ICE1: variants seen among roughly 807,000 people sequenced by gnomAD.
ICE1 encodes interactor of little elongation complex ELL subunit 1.
A neutral mutation model predicts 192.7 loss-of-function variants in ICE1; 64 were observed. The observed-to-expected ratio is 0.33, with a 90% CI of 0.27 to 0.41. The LOEUF (loss-of-function observed/expected upper bound fraction) is 0.41. Ranked by LOEUF, ICE1 falls within the 10% of genes least tolerant of loss-of-function variation. ICE1 has a pLI of 1.00. For missense variants in ICE1, 2,708 were observed against 2,696.0 expected (o/e 1.00, Z -0.10); for synonymous variants, 1,010 against 984.5 (o/e 1.03, Z -0.49).
At chr5:5,481,106 C>T (rs1739491884) in intron 17 of ICE1, among the ~76,000 whole-genome samples, 1 of 152,040 alleles carries the variant, frequency 6.6e-6, no homozygotes, top group Admixed American at 6.5e-5. Context: ...GTAGCAGCTT[C>T]TCTTATGAAT....
intron 15 of ICE1, among the ~76,000 whole-genome samples, chr5:5,469,898 C>T (rs1739105803): frequency 6.6e-6 from 1 of 152,126 alleles, no homozygotes; most frequent in African/African-American, 2.4e-5. Flanking sequence ...TCAGGAGAGA[C>T]ATCCTGACTC....
intron 10 of ICE1, among the ~76,000 whole-genome samples, chr5:5,450,711 G>A (rs577809156): frequency 3.3e-4 from 51 of 152,302 alleles, no homozygotes; most frequent in Admixed American, 1.9e-3. Context: ...TGACATTAAA[G>A]CAGTCATGTA....
chr5:5,455,654 G>A (rs1738562003), intron 11 of ICE1, among the ~76,000 whole-genome samples: 2 of 152,062 alleles, frequency 1.3e-5, no homozygotes, highest in Non-Finnish European at 2.9e-5. Context: ...GGGAAAACAT[G>A]GTATCTTTGG....
chr5:5,483,795 G>A (rs1281984885), intron 17 of ICE1, among the ~76,000 whole-genome samples: 1 of 152,144 alleles, frequency 6.6e-6, no homozygotes, highest in Non-Finnish European at 1.5e-5. Context: ...TCACATGTCA[G>A]GTTTCTGCAG....
At chr5:5,444,135 A>T (rs191775703) in intron 6 of ICE1, among the ~76,000 whole-genome samples, 154 bp from the exon 7 acceptor site, 2 of 152,360 alleles carry the variant, frequency 1.3e-5, no homozygotes. Context: ...ATTTCATACT[A>T]AATAGTATAT....
chr5:5,448,421 G>A (rs1738310330), intron 10 of ICE1, among the ~76,000 whole-genome samples: 1 of 152,340 alleles, frequency 6.6e-6, no homozygotes. Flanking sequence ...GCGTTACTGA[G>A]CGCCACGTCT....
intron 12 of ICE1, among the ~76,000 whole-genome samples, chr5:5,458,977 A>T (rs1011198396): frequency 9.2e-5 from 14 of 151,986 alleles, no homozygotes; most frequent in African/African-American, 3.4e-4. Flanking sequence ...GGTTCACGCC[A>T]TTCTCCTGCT....
rs1738984888 is a variant in ICE1 at position 5,466,382 on chromosome 5, C to G, written c.5941C>G (p.Gln1981Glu). The change falls in exon 14 of 19, where the codon CAG becomes GAG. Residue 1981 changes from glutamine (Q) to glutamate (E), a missense_variant. Around this residue, in one of 2 missense-constraint regions of ICE1, gnomAD observed 342 missense variants for 419.3 expected, o/e 0.82. Transcript: ENST00000296564. Reference protein sequence around the residue: ...LHSILSELKIQKISMDHNYIH... With the variant: ...LHSILSELKIEKISMDHNYIH... ...CTCTATTCTCTCAGAACTAAAAATTCAGAAGATATCTATGGACCACAATTA... is the reference window on the plus strand; with the variant it reads ...CTCTATTCTCTCAGAACTAAAAATTGAGAAGATATCTATGGACCACAATTA... 1 of 1,612,558 alleles carries G rather than the reference C, an allele frequency of 6.2e-7. No homozygotes were observed. Among genetic ancestry groups the G allele is most frequent in the African/African-American group, 1.3e-5 (1 of 74,920 alleles).
chr5:5,436,946 C>T (rs976115922), intron 2 of ICE1, 134 bp from the exon 3 acceptor site: 5 of 642,884 alleles, frequency 7.8e-6, no homozygotes, highest in South Asian at 1.8e-5. Flanking sequence ...GTGATATAGT[C>T]ATTAATTTAG....
rs890447534 is a variant in ICE1, at chr5:5,463,250, C to T, written c.3916C>T (p.Arg1306Trp). 73 of 1,612,548 alleles carry T rather than the reference C, an allele frequency of 4.5e-5. No homozygotes were observed. The highest frequency in any genetic ancestry group is 8.9e-5 in the East Asian group (4 of 44,864). ...TENLKEKSPFRETTGSSSHAS... is the reference protein window; with the variant it reads ...TENLKEKSPFWETTGSSSHAS... Reference sequence around the variant, plus strand: ...GAATTTAAAAGAGAAAAGTCCATTTCGGGAAACGACTGGCTCCTCATCACA... The same window carrying T: ...GAATTTAAAAGAGAAAAGTCCATTTTGGGAAACGACTGGCTCCTCATCACA... The change falls in exon 13 of 19, where the codon CGG becomes TGG. Residue 1306 changes from arginine (R) to tryptophan (W), a missense_variant. Arg to Trp is a moderately radical substitution (Grantham distance 101). Around this residue, in one of 2 missense-constraint regions of ICE1, gnomAD observed 2,366 missense variants for 2,276.6 expected, o/e 1.04. Transcript: ENST00000296564.
rs1436724372 is a variant in ICE1 at position 5,463,489 on chromosome 5, T to G, written c.4155T>G (p.Ser1385Arg). The G allele has an allele frequency of 6.2e-7, 1 of 1,613,162 alleles. No homozygotes were observed. The highest frequency in any genetic ancestry group is 1.1e-5 in the South Asian group (1 of 90,874). Residue 1385 changes from serine to arginine, a missense_variant, in exon 13 of 19, where the codon AGT (serine) becomes AGG (arginine). Physicochemically the swap from Ser to Arg is moderately radical, Grantham distance 110. This residue lies in a region of ICE1 where 2,366 missense variants were observed against 2,276.6 expected (regional missense o/e 1.04). Transcript: ENST00000296564. ...DSVMEPSIEQ[S>R]SNCEAETTFQ... ...TGATGGAGCCATCCATAGAGCAAAG[T>G]TCTAACTGCGAGGCCGAAACAACAT...
chr5:5,454,455 TA>T, intron 10 of ICE1, 96 bp from the exon 11 acceptor site: 1 of 743,722 alleles, frequency 1.3e-6, no homozygotes. Flanking sequence ...TGTAATTTTC[TA>T]AGTCCCTAAT....
intron 1 of ICE1, among the ~76,000 whole-genome samples, chr5:5,425,769 T>C (rs1227538413): frequency 2.0e-5 from 3 of 152,116 alleles, no homozygotes; most frequent in African/African-American, 7.2e-5. Context: ...GCAGGATGGA[T>C]TGAAGGGGGG....
intron 12 of ICE1, among the ~76,000 whole-genome samples, chr5:5,458,881 CT>C (rs1048139601): frequency 6.6e-6 from 1 of 151,322 alleles, no homozygotes. Context: ...AATATTTTTT[CT>C]TTTTTTTTGA....
At chr5:5,480,395 G>T (rs1304785701) in intron 17 of ICE1, among the ~76,000 whole-genome samples, 2 of 151,570 alleles carry the variant, frequency 1.3e-5, no homozygotes, top group Non-Finnish European at 2.9e-5. Context: ...GACTACAGGC[G>T]CCCGCCACCA....
In ICE1 at chr5:5,461,124, A is replaced by C; in HGVS notation, c.1790A>C (p.Glu597Ala). Residue 597 changes from glutamate to alanine, a missense_variant, in exon 13 of 19, where the codon GAA (glutamate) becomes GCA (alanine). Physicochemically the swap from Glu to Ala is moderately radical, Grantham distance 107. Around this residue, in one of 2 missense-constraint regions of ICE1, gnomAD observed 2,366 missense variants for 2,276.6 expected, o/e 1.04. Coordinates refer to ENST00000296564, the MANE Select transcript of ICE1 (RefSeq NM_015325.3). ...TCTAGAGAATTGGAAAAGGAAAAAG[A>C]AGATACTCAAGGGTTCACTTTAGGA... ...RLSRELEKEK[E>A]DTQGFTLGES... 6.2e-7 allele frequency: 1 copy of C among 1,614,066 alleles called. No homozygotes were observed. Among genetic ancestry groups the C allele is most frequent in the Non-Finnish European group, 8.5e-7 (1 of 1,179,900 alleles).
chr5:5,446,711 T>C (rs115294880), intron 7 of ICE1, among the ~76,000 whole-genome samples: 1 of 152,334 alleles, frequency 6.6e-6, no homozygotes, highest in African/African-American at 2.4e-5. Context: ...AAAAAAAATT[T>C]ATCGGTGTGA....
At position 5,422,859 on chromosome 5, in the gene ICE1, G is replaced by C; in HGVS notation, c.-57G>C. 8.1e-7 allele frequency: 1 copy of C among 1,234,092 alleles called. No homozygotes were observed. 76.4% of individuals were successfully genotyped at this position (1,234,092 alleles called of 1,614,324 possible). ...CGGCGGCATCAGCAGAGACAGGACG[G>C]GGCCGACGCCGCGGGCCCCTGAGGC... On this transcript the variant is annotated 5_prime_UTR_variant, in exon 1 of 19. Coordinates refer to ENST00000296564, the MANE Select transcript of ICE1 (RefSeq NM_015325.3).
intron 17 of ICE1, among the ~76,000 whole-genome samples, chr5:5,483,660 A>G (rs1739566481): frequency 6.6e-6 from 1 of 152,130 alleles, no homozygotes; most frequent in Non-Finnish European, 1.5e-5. Context: ...AAATTTGCCT[A>G]CCACTGGATT....
Sources: gnomAD v4.1 joint callset for allele counts (sites outside exome capture counted in the v4.1 genomes callset) on GRCh38, gnomAD v4.1.1 for gene constraint, gnomAD v4.1.1 regional missense constraint, MANE v1.5 for transcripts, NCBI Gene and HGNC (gene_info 2026-07-23, HGNC 2026-07-21) for gene names.